The following CAMK1D variants were observed in gnomAD, a reference collection of about 807,000 sequenced individuals.
CAMK1D encodes calcium/calmodulin-dependent protein kinase type 1D.
A neutral mutation model predicts 47.7 loss-of-function variants in CAMK1D; 9 were observed. The observed-to-expected ratio is 0.19, with a 90% CI of 0.11 to 0.33. CAMK1D has a LOEUF of 0.33. Among genes scored for constraint, CAMK1D ranks in the 10% least tolerant of loss-of-function variants. The probability of loss-of-function intolerance (pLI) is 1.00; values close to 1 mark genes in which losing one functional copy is unlikely to be tolerated. For missense variants in CAMK1D, 291 were observed against 488.7 expected (o/e 0.60, Z 3.81); for synonymous variants, 184 against 184.9 (o/e 0.99, Z 0.04).
chr10:12,491,821 A>G (rs991793075), intron 1 of CAMK1D, among the ~76,000 whole-genome samples: 2 of 152,068 alleles, frequency 1.3e-5, no homozygotes, highest in Non-Finnish European at 2.9e-5. Context: ...AGAGTCTCAC[A>G]CCATCACCCA....
At chr10:12,577,141 A>C (rs990266089) in intron 2 of CAMK1D, among the ~76,000 whole-genome samples, 2 of 152,040 alleles carry the variant, frequency 1.3e-5, no homozygotes, top group Non-Finnish European at 2.9e-5. Flanking sequence ...CCCTCTGGTC[A>C]CTCACCCATG....
intron 2 of CAMK1D, among the ~76,000 whole-genome samples, chr10:12,557,488 C>T (rs997164432): frequency 1.4e-5 from 2 of 144,700 alleles, no homozygotes; most frequent in African/African-American, 5.1e-5. Context: ...GGAGGCAGAG[C>T]TTGAAGTGAG....
At chr10:12,417,053 G>A (rs1387171203) in intron 1 of CAMK1D, among the ~76,000 whole-genome samples, 3 of 152,118 alleles carry the variant, frequency 2.0e-5, no homozygotes, top group East Asian at 1.9e-4. Flanking sequence ...TCAAGCCCCC[G>A]AAGCCTCTCT....
At position 12,755,959 on chromosome 10, in the gene CAMK1D, C is replaced by G. The variant is rs74118572; in HGVS notation, c.300-4989C>G. On this transcript the variant is annotated intron_variant, in intron 3 of 10. Coordinates refer to ENST00000619168, the MANE Select transcript of CAMK1D (RefSeq NM_153498.4). ...CACAGCTCTTGCAGCATGCCCCTGT[C>G]TCTTCTCCACTCCCCTGGCCTTGTC... Among the ~76,000 whole-genome samples, 1,134 of 152,286 alleles carry G rather than the reference C, an allele frequency of 7.4e-3. 17 individuals are homozygous for G. Among genetic ancestry groups the G allele is most frequent in the African/African-American group, 0.026 (1,078 of 41,550 alleles).
chr10:12,767,880 T>C (rs1477161856), intron 4 of CAMK1D, among the ~76,000 whole-genome samples: 3 of 152,104 alleles, frequency 2.0e-5, no homozygotes, highest in Non-Finnish European at 4.4e-5. Flanking sequence ...GTTAGTTAGT[T>C]AGTTATTTTG....
At chr10:12,703,727 G>T (rs951770269) in intron 3 of CAMK1D, among the ~76,000 whole-genome samples, 3 of 152,126 alleles carry the variant, frequency 2.0e-5, no homozygotes, top group African/African-American at 7.2e-5. Context: ...AAATTAACCA[G>T]GTGTGGTGGC....
chr10:12,720,831 T>C (rs1485399534), intron 3 of CAMK1D, among the ~76,000 whole-genome samples: 1 of 152,232 alleles, frequency 6.6e-6, no homozygotes, highest in Admixed American at 6.5e-5. Context: ...TTGTGTGCCT[T>C]GTCCTCCCTC....
chr10:12,509,342 G>C (rs548787152), intron 1 of CAMK1D, among the ~76,000 whole-genome samples: 1 of 152,160 alleles, frequency 6.6e-6, no homozygotes, highest in Non-Finnish European at 1.5e-5. Flanking sequence ...ATCATTCCAC[G>C]AGCTGGTCTG....
In CAMK1D at chr10:12,551,099, A is replaced by G. The variant is rs544697652; in HGVS notation, c.93-2126A>G. Among the ~76,000 whole-genome samples the G allele has an allele frequency of 5.9e-5, 9 of 152,342 alleles. No individual in the cohort carries two copies. The South Asian group carries it at 1.7e-3, about 28-fold the overall frequency. On this transcript the variant is annotated intron_variant, in intron 1 of 10. Coordinates refer to ENST00000619168, the MANE Select transcript of CAMK1D (RefSeq NM_153498.4). ...GGCCATGGGCCAATACCGGTAGGGT[A>G]TGTGGCCTGTTAGGAACTTTGCCAC...
intron 2 of CAMK1D, among the ~76,000 whole-genome samples, chr10:12,585,604 C>T (rs1837793005): frequency 6.6e-6 from 1 of 152,162 alleles, no homozygotes; most frequent in Non-Finnish European, 1.5e-5. Context: ...TGGTGGCAAA[C>T]AAGAGAGAAT....
At chr10:12,555,732 T>C (rs1836738661) in intron 2 of CAMK1D, among the ~76,000 whole-genome samples, 2 of 152,242 alleles carry the variant, frequency 1.3e-5, no homozygotes, top group Non-Finnish European at 2.9e-5. Flanking sequence ...AGGTTTTACG[T>C]TGGGCACAGG....
intron 1 of CAMK1D, among the ~76,000 whole-genome samples, chr10:12,350,468 C>T (rs1420163111): frequency 6.6e-6 from 1 of 152,240 alleles, no homozygotes; most frequent in Non-Finnish European, 1.5e-5. Context: ...CACACGTGGG[C>T]AGAGCCTCAC....
chr10:12,431,154 G>T (rs1832461375), intron 1 of CAMK1D, among the ~76,000 whole-genome samples: 1 of 152,132 alleles, frequency 6.6e-6, no homozygotes, highest in South Asian at 2.1e-4. Flanking sequence ...TCTCCACCTT[G>T]TTCTTACTGC....
chr10:12,425,392 C>T (rs1840196678), intron 1 of CAMK1D, among the ~76,000 whole-genome samples: 1 of 151,846 alleles, frequency 6.6e-6, no homozygotes, highest in African/African-American at 2.4e-5. Flanking sequence ...AGTGATTCTC[C>T]TGCCTCAGCT....
chr10:12,450,562 G>C (rs537841946), intron 1 of CAMK1D, among the ~76,000 whole-genome samples: 2 of 152,196 alleles, frequency 1.3e-5, no homozygotes, highest in African/African-American at 4.8e-5. Flanking sequence ...CTCCAGCTGG[G>C]CTTGGCTTGT....
At chr10:12,625,944 C>T (rs543448910) in intron 2 of CAMK1D, among the ~76,000 whole-genome samples, 2 of 152,146 alleles carry the variant, frequency 1.3e-5, no homozygotes, top group African/African-American at 2.4e-5. Context: ...CCCTTGGGTT[C>T]GATTTTTCTT....
At chr10:12,801,355 T>TCTATCTA (rs1838458699) in intron 6 of CAMK1D, among the ~76,000 whole-genome samples, 5 of 12,606 alleles carry the variant, frequency 4.0e-4, no homozygotes, top group South Asian at 4.4e-3. Context: ...CTATCTATCT[T>TCTATCTA]ATCTATCTAT....
intron 1 of CAMK1D, among the ~76,000 whole-genome samples, chr10:12,478,947 GTGTT>G (rs1410299563): frequency 2.0e-5 from 3 of 152,190 alleles, no homozygotes; most frequent in African/African-American, 7.2e-5. Flanking sequence ...CCTCTACCAA[GTGTT>G]TGACGTATTT....
chr10:12,533,030 G>A (rs1246172342), intron 1 of CAMK1D, among the ~76,000 whole-genome samples: 1 of 151,684 alleles, frequency 6.6e-6, no homozygotes, highest in African/African-American at 2.4e-5. Context: ...AGCACCACAG[G>A]GTGACTATAA....
Sources: allele counts gnomAD v4.1 joint callset (sites outside exome capture counted in the v4.1 genomes callset), GRCh38; gene constraint gnomAD v4.1.1; transcripts MANE v1.5; gene names NCBI Gene and HGNC (gene_info 2026-07-23, HGNC 2026-07-21).